The following ASB17 variants were observed in gnomAD, a reference collection of about 807,000 sequenced individuals.
The protein encoded by ASB17 is ankyrin repeat and SOCS box containing 17, also known as ankyrin repeat and SOCS box protein 17.
In ASB17, 26 loss-of-function variants were observed where a neutral mutation model predicts 25.7. The observed-to-expected ratio is 1.01, with a 90% CI of 0.74 to 1.40. The LOEUF is 1.40. Among genes scored for constraint, ASB17 ranks in the 40% most tolerant of loss-of-function variants. ASB17 has a pLI of 0.00. For synonymous variants in ASB17, 128 were observed against 121.4 expected, an observed-to-expected ratio of 1.05 and a Z score of -0.36; for missense variants, 326 against 338.5, an observed-to-expected ratio of 0.96 and a Z score of 0.29.
chr1:75,919,226 C>T (rs139840860), intron 2 of ASB17, 68 bp from the exon 3 acceptor site: 4 of 1,057,158 alleles, frequency 3.8e-6, no homozygotes, highest in East Asian at 5.4e-5. Context: ...ATTATTAAAA[C>T]TTATTTTTAA....
chr1:75,931,511 G>A (rs912062740), intron 1 of ASB17, among the ~76,000 whole-genome samples: 1 of 152,112 alleles, frequency 6.6e-6, no homozygotes. Flanking sequence ...GAAGATGTGT[G>A]CATGTTCCCA....
At chr1:75,924,141 G>T (rs1226322318) in intron 1 of ASB17, among the ~76,000 whole-genome samples, 2 of 152,044 alleles carry the variant, frequency 1.3e-5, no homozygotes, top group East Asian at 1.9e-4. Flanking sequence ...CCAATAAAAA[G>T]ATTCAAAAGA....
At chr1:75,928,402 A>G (rs979868122) in intron 1 of ASB17, among the ~76,000 whole-genome samples, 3 of 152,208 alleles carry the variant, frequency 2.0e-5, no homozygotes, top group Non-Finnish European at 4.4e-5. Context: ...AATCTGTCAC[A>G]CTGTGGCATT....
intron 1 of ASB17, among the ~76,000 whole-genome samples, chr1:75,924,238 C>CT (rs1376806024): frequency 6.6e-6 from 1 of 151,992 alleles, no homozygotes; most frequent in South Asian, 2.1e-4. Context: ...AATAGATGAG[C>CT]TTTTTTCAAA....
chr1:75,929,129 T>C (rs913954851), intron 1 of ASB17, among the ~76,000 whole-genome samples: 4 of 152,216 alleles, frequency 2.6e-5, no homozygotes, highest in African/African-American at 9.6e-5. Context: ...GGCTGGAATA[T>C]AGTGTTCAAA....
At chr1:75,923,854 G>T (rs541885998) in intron 1 of ASB17, among the ~76,000 whole-genome samples, 1 of 152,100 alleles carries the variant, frequency 6.6e-6, no homozygotes, top group East Asian at 1.9e-4. Context: ...GTACTCATCT[G>T]CTTATTCCTT....
chr1:75,922,249 A>G lies in ASB17; in HGVS notation c.512T>C (p.Ile171Thr), dbSNP rs775828543. The G allele has an allele frequency of 1.4e-5, 23 of 1,613,434 alleles. No homozygotes were observed. The South Asian group carries it at 1.9e-4, about 13-fold the overall frequency. Reference protein sequence around the residue: ...NIFKILLQYGILEREKNPINI... With the variant: ...NIFKILLQYGTLEREKNPINI... ...GATAGGGTTTTTTTCTCTTTCTAAG[A>G]TTCCATATTGCAGTAGTATTTTGAA... The change falls in exon 2 of 3, where the codon ATC becomes ACC. Residue 171 changes from isoleucine to threonine, a missense_variant. By Grantham distance (89) the Ile-to-Thr change is moderately conservative. Transcript: ENST00000284142.
intron 2 of ASB17, among the ~76,000 whole-genome samples, chr1:75,920,267 T>C (rs1361847495): frequency 6.6e-6 from 1 of 152,214 alleles, no homozygotes; most frequent in Non-Finnish European, 1.5e-5. Context: ...ATCTTACGGA[T>C]CAAATGTTAA....
At chr1:75,921,061 A>G (rs1405282701) in intron 2 of ASB17, among the ~76,000 whole-genome samples, 5 of 152,204 alleles carry the variant, frequency 3.3e-5, no homozygotes, top group Non-Finnish European at 5.9e-5. Flanking sequence ...GGCGTGAGCC[A>G]CTGCGCCCGG....
At position 75,932,375 on chromosome 1, in the gene ASB17, G is replaced by T; in HGVS notation, c.-84C>A. The T allele has an allele frequency of 7.8e-7, 1 of 1,285,370 alleles. No homozygotes were observed. Among genetic ancestry groups the T allele is most frequent in the Non-Finnish European group, 1.1e-6 (1 of 935,476 alleles). The allele number at this position is 1,285,370 out of a possible 1,614,324, so 79.6% of individuals were successfully genotyped here. ...AGTTACATATTTTGACAATGTGGCAGGCTTTACTCCACAAACAGAAGTGCC... is the reference window on the plus strand; with the variant it reads ...AGTTACATATTTTGACAATGTGGCATGCTTTACTCCACAAACAGAAGTGCC... On this transcript the variant is annotated 5_prime_UTR_variant, in exon 1 of 3. It adds an upstream start codon to the 5' untranslated region. Coordinates refer to ENST00000284142, the MANE Select transcript of ASB17 (RefSeq NM_080868.3).
In ASB17 at chr1:75,920,786, T is replaced by G. The variant is rs1653005026; in HGVS notation, c.681+1294A>C. Among the ~76,000 whole-genome samples, 8 of 152,154 alleles carry G rather than the reference T, an allele frequency of 5.3e-5. 1 individual carries two copies. In the South Asian group the frequency reaches 1.7e-3, roughly 32 times the overall value. On this transcript the variant is annotated intron_variant, in intron 2 of 2. Coordinates refer to ENST00000284142, the MANE Select transcript of ASB17 (RefSeq NM_080868.3). ...TTTCTTTTCTTTTCTTTTCTTTTCT[T>G]TTTTTGGAGACGGAGTCCCGCTCTT...
intron 1 of ASB17, among the ~76,000 whole-genome samples, chr1:75,925,454 G>C (rs962143055): frequency 6.6e-6 from 1 of 152,060 alleles, no homozygotes; most frequent in African/African-American, 2.4e-5. Flanking sequence ...ACTGAAAAAT[G>C]TTGAAAACAT....
rs1486855869 is a variant in ASB17, at chr1:75,932,211, A to G, written c.81T>C (p.Val27=). ...NIFCNLLDKI[V]KRPSLQFLGQ... Reference sequence around the variant, plus strand: ...CCAAAAACTGTAGGGAGGGTCTTTTAACAATTTTGTCAAGGAGATTGCAGA... The same window carrying G: ...CCAAAAACTGTAGGGAGGGTCTTTTGACAATTTTGTCAAGGAGATTGCAGA... Residue 27 remains valine (V), a synonymous_variant, in exon 1 of 3, where the codon GTT becomes GTC. Coordinates refer to ENST00000284142, the MANE Select transcript of ASB17 (RefSeq NM_080868.3). 1.2e-6 allele frequency: 2 copies of G among 1,613,938 alleles called. No homozygotes were observed. Among genetic ancestry groups the G allele is most frequent in the Non-Finnish European group, 1.7e-6 (2 of 1,179,972 alleles).
chr1:75,929,509 G>A (rs996659579), intron 1 of ASB17, among the ~76,000 whole-genome samples: 2 of 152,086 alleles, frequency 1.3e-5, no homozygotes, highest in Non-Finnish European at 2.9e-5. Flanking sequence ...GTGAGCCATC[G>A]TGCCCAGCTT....
At chr1:75,919,508 G>A (rs1652972393) in intron 2 of ASB17, among the ~76,000 whole-genome samples, 1 of 151,946 alleles carries the variant, frequency 6.6e-6, no homozygotes. Context: ...TTAGCATTAG[G>A]TATATCTCCT....
At chr1:75,925,209 C>G (rs1653138435) in intron 1 of ASB17, among the ~76,000 whole-genome samples, 1 of 152,002 alleles carries the variant, frequency 6.6e-6, no homozygotes, top group African/African-American at 2.4e-5. Flanking sequence ...TATCCTGTAG[C>G]TTTCAGGTCT....
At chr1:75,921,676 G>GA (rs1185922181) in intron 2 of ASB17, among the ~76,000 whole-genome samples, 2 of 152,206 alleles carry the variant, frequency 1.3e-5, no homozygotes, top group South Asian at 2.1e-4. Flanking sequence ...AACTTGAATG[G>GA]AAAAAATCTG....
At chr1:75,929,286 G>A (rs945079945) in intron 1 of ASB17, among the ~76,000 whole-genome samples, 19 of 151,492 alleles carry the variant, frequency 1.3e-4, no homozygotes, top group Admixed American at 3.9e-4. Flanking sequence ...GTGCAGTGGC[G>A]CGACCTCAGC....
chr1:75,923,837 C>T (rs1315737167), intron 1 of ASB17, among the ~76,000 whole-genome samples: 2 of 152,148 alleles, frequency 1.3e-5, no homozygotes, highest in African/African-American at 2.4e-5. Context: ...TTTCCACAAG[C>T]ATTTATGTAC....
Sources: gnomAD v4.1 joint callset for allele counts (sites outside exome capture counted in the v4.1 genomes callset) on GRCh38, gnomAD v4.1.1 for gene constraint, MANE v1.5 for transcripts, NCBI Gene and HGNC (gene_info 2026-07-23, HGNC 2026-07-21) for gene names.